The following PIAS1 variants were observed in gnomAD, a reference collection of about 807,000 sequenced individuals.
The protein encoded by PIAS1 is E3 SUMO-protein ligase PIAS1.
A neutral mutation model predicts 71.3 loss-of-function variants in PIAS1; 6 were observed. The observed-to-expected ratio is 0.08, with a 90% CI of 0.05 to 0.17. The LOEUF (loss-of-function observed/expected upper bound fraction) is 0.17, where lower values mean the gene tolerates loss of function less well. Ranked by LOEUF, PIAS1 falls within the 10% of genes least tolerant of loss-of-function variation. PIAS1 has a pLI of 1.00. For missense variants in PIAS1, 555 were observed against 793.6 expected, an observed-to-expected ratio of 0.70 and a Z score of 3.61; for synonymous variants, 303 against 292.9, an observed-to-expected ratio of 1.03 and a Z score of -0.35.
chr15:68,188,859 G>GT lies in PIAS1; in HGVS notation c.*1028dup, dbSNP rs2093104480. 6.6e-6 allele frequency: 1 copy of GT among 152,170 alleles called. No homozygotes were observed. Among genetic ancestry groups the GT allele is most frequent in the African/African-American group, 2.4e-5 (1 of 41,430 alleles). The allele number at this position is 152,170 out of a possible 1,614,324, so 9.4% of individuals were successfully genotyped here. On this transcript the variant is annotated 3_prime_UTR_variant, in exon 14 of 14. Transcript: ENST00000249636. ...AATAGCTTAGAAAGCTCTGTCAGGT[G>GT]TTTTGTGCAGCTGACAGAGGTAATG...
intron 1 of PIAS1, among the ~76,000 whole-genome samples, chr15:68,066,626 T>C (rs554823072): frequency 7.4e-4 from 113 of 152,248 alleles, no homozygotes; most frequent in African/African-American, 2.6e-3. Context: ...TGCTTTTCAG[T>C]TTCTTTCTGC....
At chr15:68,094,485 TA>T (rs1387413650) in intron 2 of PIAS1, among the ~76,000 whole-genome samples, 1 of 152,116 alleles carries the variant, frequency 6.6e-6, no homozygotes, top group Non-Finnish European at 1.5e-5. Flanking sequence ...GCAGTGTGGG[TA>T]AGGTTTCTGC....
At chr15:68,060,355 G>C (rs561703731) in intron 1 of PIAS1, among the ~76,000 whole-genome samples, 1 of 152,012 alleles carries the variant, frequency 6.6e-6, no homozygotes, top group South Asian at 2.1e-4. Context: ...ATTGCCAGAC[G>C]TGGTAATCCC....
intron 2 of PIAS1, among the ~76,000 whole-genome samples, chr15:68,106,433 T>TC (rs1017476886): frequency 3.9e-5 from 6 of 151,902 alleles, no homozygotes; most frequent in Non-Finnish European, 7.4e-5. Context: ...TTCTAGACCT[T>TC]CTAAATTTTT....
chr15:68,142,001 AC>A lies in PIAS1; in HGVS notation c.526del (p.Gln176AsnfsTer25). Reference sequence around the variant, plus strand: ...CCTGTTTTGCATTTGCCTTGACACCACAACAAGTGCAGCAAATCAGTAGTTC... The same window carrying A: ...CCTGTTTTGCATTTGCCTTGACACCAAACAAGTGCAGCAAATCAGTAGTTC... ...ETCFAFALTP[Q>X]QVQQISSSMD... is the part of the protein sequence containing the mutation. On this transcript the variant is annotated frameshift_variant, in exon 3 of 14. Coordinates refer to ENST00000249636, the MANE Select transcript of PIAS1 (RefSeq NM_016166.3). LOFTEE classifies it high-confidence loss of function. 1 of 1,604,680 alleles carries A rather than the reference AC, an allele frequency of 6.2e-7. No individual in the cohort carries two copies. Among genetic ancestry groups the A allele is most frequent in the Non-Finnish European group, 8.5e-7 (1 of 1,174,822 alleles).
chr15:68,100,494 A>AG lies in PIAS1; in HGVS notation c.469+13750dup, dbSNP rs1213525501. Among the ~76,000 whole-genome samples, 4 of 152,044 alleles carry AG rather than the reference A, an allele frequency of 2.6e-5. No individual in the cohort carries two copies. The East Asian group carries it at 5.8e-4, about 22-fold the overall frequency. ...AGTTTGTTCCTTTTAAGGGGCGGGG[A>AG]GGGGGGCGCTGAGAAGTATTCTATC... On this transcript the variant is annotated intron_variant, in intron 2 of 13. Transcript: ENST00000249636.
intron 7 of PIAS1, among the ~76,000 whole-genome samples, chr15:68,160,487 A>G (rs1242625054): frequency 6.6e-6 from 1 of 152,154 alleles, no homozygotes; most frequent in Non-Finnish European, 1.5e-5. Flanking sequence ...CTTATGCCAA[A>G]CGAGTCTTAA....
chr15:68,099,465 A>G (rs1280174290), intron 2 of PIAS1, among the ~76,000 whole-genome samples: 7 of 151,898 alleles, frequency 4.6e-5, no homozygotes, highest in African/African-American at 2.4e-5. Context: ...TTGCTAAGTA[A>G]TGATTCATGG....
At chr15:68,107,825 C>A (rs2092485544) in intron 2 of PIAS1, among the ~76,000 whole-genome samples, 1 of 151,776 alleles carries the variant, frequency 6.6e-6, no homozygotes, top group African/African-American at 2.4e-5. Flanking sequence ...TATACAGTTA[C>A]TTTGTTCCTA....
intron 1 of PIAS1, among the ~76,000 whole-genome samples, chr15:68,072,373 C>G (rs1364976615): frequency 8.0e-6 from 1 of 125,772 alleles, no homozygotes; most frequent in Non-Finnish European, 1.6e-5. Flanking sequence ...GCACTCCAGC[C>G]TGGGTGACAG....
rs752823561 is a variant in PIAS1 at position 68,054,347 on chromosome 15, A to G, written c.21A>G (p.Leu7=). 6.3e-6 allele frequency: 10 copies of G among 1,577,362 alleles called. No homozygotes were observed. The East Asian group carries it at 7.1e-5, about 11-fold the overall frequency. The change falls in exon 1 of 14, where the codon CTA becomes CTG. Residue 7 remains leucine, a synonymous_variant. Coordinates refer to ENST00000249636, the MANE Select transcript of PIAS1 (RefSeq NM_016166.3). This position sits in a 1 kb window ranked among gnomAD's most constrained non-coding sequence, Gnocchi z 4.6. ...GCAAGATGGCGGACAGTGCGGAACT[A>G]AAGGTAAAGCGCAGCTCGAATTCAC... The part of the protein sequence containing the change: MADSAE[L]KQMVMSLRVS...
intron 2 of PIAS1, among the ~76,000 whole-genome samples, chr15:68,101,048 G>C (rs531265476): frequency 1.3e-5 from 2 of 151,900 alleles, no homozygotes; most frequent in South Asian, 2.1e-4. Flanking sequence ...ACAGGCACAC[G>C]CCACCACACC....
At position 68,186,368 on chromosome 15, in the gene PIAS1, GACTT is replaced by G. The variant is rs1595800880; in HGVS notation, c.1663-1171_1663-1168del. Among the ~76,000 whole-genome samples the G allele has an allele frequency of 6.6e-6, 1 of 152,100 alleles. No individual in the cohort carries two copies. The highest frequency in any genetic ancestry group is 1.5e-5 in the Non-Finnish European group (1 of 68,032). On this transcript the variant is annotated intron_variant, in intron 13 of 13. Coordinates refer to ENST00000249636, the MANE Select transcript of PIAS1 (RefSeq NM_016166.3). The surrounding 1 kb of genome is among the most constrained non-coding windows in gnomAD (Gnocchi z 4.4). ...AATATTTTAAAATGTTAAAAATAGA[GACTT>G]ACAGAATAAGGATATAAAGAAGGAA...
chr15:68,156,789 G>GAC (rs1270999804), intron 7 of PIAS1, among the ~76,000 whole-genome samples: 1 of 151,118 alleles, frequency 6.6e-6, no homozygotes, highest in Non-Finnish European at 1.5e-5. Context: ...GGTATAAGTT[G>GAC]ACATAGACGA....
intron 12 of PIAS1, among the ~76,000 whole-genome samples, chr15:68,182,837 A>C (rs560458502): frequency 6.6e-6 from 1 of 152,320 alleles, no homozygotes; most frequent in South Asian, 2.1e-4. Context: ...TTCGTGTTGT[A>C]ATCGGTTATA....
chr15:68,170,769 T>C (rs967158739), intron 8 of PIAS1, among the ~76,000 whole-genome samples: 2 of 151,990 alleles, frequency 1.3e-5, no homozygotes, highest in African/African-American at 4.8e-5. Context: ...GCCTCCCAAG[T>C]AGCTGGGATC....
intron 1 of PIAS1, among the ~76,000 whole-genome samples, chr15:68,057,740 T>C (rs1245826929): frequency 6.6e-6 from 1 of 152,268 alleles, no homozygotes; most frequent in African/African-American, 2.4e-5. Context: ...TAACTTGCTT[T>C]TGTCAAGTGC....
intron 6 of PIAS1, among the ~76,000 whole-genome samples, chr15:68,148,958 G>A (rs968274572): frequency 2.0e-5 from 3 of 152,006 alleles, no homozygotes; most frequent in Non-Finnish European, 2.9e-5. Flanking sequence ...ATTGAAAGTC[G>A]AGGGCTAAGA....
At chr15:68,144,077 T>C (rs2092790821) in intron 4 of PIAS1, among the ~76,000 whole-genome samples, 1 of 151,672 alleles carries the variant, frequency 6.6e-6, no homozygotes, top group African/African-American at 2.4e-5. Flanking sequence ...CAAGGGTATC[T>C]TGATGACTGC....
Sources: gnomAD v4.1 joint callset for allele counts (sites outside exome capture counted in the v4.1 genomes callset) on GRCh38, gnomAD v4.1.1 for gene constraint, Gnocchi (gnomAD v3.1) non-coding constraint, MANE v1.5 for transcripts, NCBI Gene and HGNC (gene_info 2026-07-23, HGNC 2026-07-21) for gene names.